The following NTM variants were observed in gnomAD, a reference collection of about 807,000 sequenced individuals.
NTM encodes IgLON family member 2.
NTM carries 13 observed loss-of-function variants against 42.1 expected under a neutral mutation model. The observed-to-expected ratio is 0.31, with a 90% CI of 0.20 to 0.49. The LOEUF is 0.49. Ranked by LOEUF, NTM falls within the 20% of genes least tolerant of loss-of-function variation. NTM has a pLI of 0.99. For synonymous variants in NTM, 187 were observed against 179.2 expected, an observed-to-expected ratio of 1.04 and a Z score of -0.35; for missense variants, 373 against 452.8, an observed-to-expected ratio of 0.82 and a Z score of 1.60.
At chr11:132,211,823 T>C (rs1399566873) in intron 3 of NTM, 199 bp from the exon 4 acceptor site, 4 of 410,120 alleles carry the variant, frequency 9.8e-6, no homozygotes, top group African/African-American at 8.4e-5. Context: ...TCCCTGACTT[T>C]GTGTTTAAAT....
At chr11:131,459,593 C>G (rs1313850326) in intron 1 of NTM, among the ~76,000 whole-genome samples, 3 of 152,144 alleles carry the variant, frequency 2.0e-5, no homozygotes, top group African/African-American at 7.2e-5. Flanking sequence ...ATGAGTAAGT[C>G]CTATTAACCT....
At chr11:132,070,800 ACC>A (rs1203786102) in intron 2 of NTM, among the ~76,000 whole-genome samples, 4 of 143,628 alleles carry the variant, frequency 2.8e-5, no homozygotes, top group East Asian at 2.1e-4. Context: ...CGTCACACTG[ACC>A]GTCACAGGTT....
chr11:131,663,435 T>G (rs1232946681), intron 1 of NTM: 1 of 152,434 alleles, frequency 6.6e-6, no homozygotes, highest in African/African-American at 2.4e-5. Context: ...GGTCCAGCAT[T>G]GATCTCTCTC....
At chr11:131,839,580 A>G (rs2043963641) in intron 1 of NTM, among the ~76,000 whole-genome samples, 1 of 152,206 alleles carries the variant, frequency 6.6e-6, no homozygotes, top group Non-Finnish European at 1.5e-5. Context: ...AGGAAGCAAG[A>G]TAACAGGACA....
intron 2 of NTM, among the ~76,000 whole-genome samples, chr11:131,988,144 G>A (rs1166664182): frequency 1.3e-5 from 2 of 152,210 alleles, no homozygotes; most frequent in Non-Finnish European, 2.9e-5. Context: ...AAGCAAGCTT[G>A]CTAGGAGCTC....
intron 2 of NTM, among the ~76,000 whole-genome samples, chr11:131,931,257 G>A (rs2058567452): frequency 6.6e-6 from 1 of 151,816 alleles, no homozygotes; most frequent in Non-Finnish European, 1.5e-5. Flanking sequence ...GACCAGCCTG[G>A]GCAAAACCCT....
intron 1 of NTM, among the ~76,000 whole-genome samples, chr11:131,687,390 G>A (rs1330548692): frequency 1.3e-5 from 2 of 152,160 alleles, no homozygotes; most frequent in Non-Finnish European, 2.9e-5. Context: ...ATCAGTGCTG[G>A]GTGACTCTAA....
At chr11:131,990,266 C>T (rs1161827091) in intron 2 of NTM, among the ~76,000 whole-genome samples, 1 of 152,086 alleles carries the variant, frequency 6.6e-6, no homozygotes, top group Non-Finnish European at 1.5e-5. Flanking sequence ...ATCCAGTACT[C>T]TTCATAATGT....
chr11:131,393,109 G>A (rs113233743), intron 1 of NTM, among the ~76,000 whole-genome samples: 37 of 152,260 alleles, frequency 2.4e-4, no homozygotes, highest in African/African-American at 8.4e-4. Flanking sequence ...GGCTCTCTCT[G>A]TCTGGAACGC....
chr11:131,861,063 C>A (rs2046583124), intron 1 of NTM, among the ~76,000 whole-genome samples: 2 of 152,094 alleles, frequency 1.3e-5, no homozygotes, highest in Non-Finnish European at 1.5e-5. Context: ...CTACCCCTGG[C>A]TTTCTGGCTT....
At chr11:131,718,967 C>T (rs1322713540) in intron 1 of NTM, among the ~76,000 whole-genome samples, 1 of 152,090 alleles carries the variant, frequency 6.6e-6, no homozygotes, top group Non-Finnish European at 1.5e-5. Flanking sequence ...GATTGGGTAT[C>T]CCTTTGTCCA....
At chr11:132,097,680 G>A (rs142113660) in intron 2 of NTM, among the ~76,000 whole-genome samples, 37 of 152,376 alleles carry the variant, frequency 2.4e-4, no homozygotes, top group African/African-American at 8.9e-4. Context: ...ATTTGAGAAT[G>A]TCTTGAACAT....
At position 131,878,594 on chromosome 11, in the gene NTM, AATATATATATATATAT is replaced by A. The variant is rs201069325; in HGVS notation, c.83-32938_83-32923del. 8.8e-3 allele frequency among the ~76,000 whole-genome samples: 168 copies of A among 19,188 alleles called. 7 individuals are homozygous for A. Among genetic ancestry groups the A allele is most frequent in the African/African-American group, 0.024 (140 of 5,812 alleles). The allele number at this position is 19,188 out of a possible 152,430, so 12.6% of individuals were successfully genotyped here. A position where few individuals can be genotyped will look rare whatever the true frequency, so the allele number is the denominator to read the frequency against. ...CAAAAAAAAAAAAAAAAAAAAAAAAAATATATATATATATATATATATATATATATATATATATATA... is the reference window on the plus strand; with the variant it reads ...CAAAAAAAAAAAAAAAAAAAAAAAAAATATATATATATATATATATATATA... On this transcript the variant is annotated intron_variant, in intron 1 of 8. Coordinates refer to ENST00000683400, the MANE Select transcript of NTM (RefSeq NM_001352005.2).
At chr11:132,279,121 C>A (rs2093862829) in intron 4 of NTM, among the ~76,000 whole-genome samples, 1 of 152,168 alleles carries the variant, frequency 6.6e-6, no homozygotes, top group Admixed American at 6.5e-5. Context: ...TCTGCTGGCC[C>A]CAAACAGAGA....
intron 2 of NTM, among the ~76,000 whole-genome samples, chr11:132,090,796 C>T (rs1481996679): frequency 6.6e-6 from 1 of 152,148 alleles, no homozygotes; most frequent in African/African-American, 2.4e-5. Context: ...TCACATTCTC[C>T]TGGAAAAACT....
intron 1 of NTM, among the ~76,000 whole-genome samples, chr11:131,696,268 C>T (rs914162397): frequency 1.3e-5 from 2 of 152,080 alleles, no homozygotes; most frequent in Non-Finnish European, 2.9e-5. Context: ...CCGGGGAGGC[C>T]AGCAGGAAGG....
intron 1 of NTM, among the ~76,000 whole-genome samples, chr11:131,487,467 A>G (rs1591808017): frequency 6.6e-6 from 1 of 152,110 alleles, no homozygotes; most frequent in Non-Finnish European, 1.5e-5. Flanking sequence ...TAAATTATAA[A>G]CCCCCAATTG....
chr11:132,271,444 T>C (rs1337576301), intron 4 of NTM, among the ~76,000 whole-genome samples: 1 of 152,230 alleles, frequency 6.6e-6, no homozygotes. Context: ...GTAGGTTAAC[T>C]ACATTTCACC....
intron 2 of NTM, among the ~76,000 whole-genome samples, chr11:131,917,396 A>G (rs2056561692): frequency 6.6e-6 from 1 of 152,218 alleles, no homozygotes; most frequent in Non-Finnish European, 1.5e-5. Flanking sequence ...TTACAAATAC[A>G]TAGAAGTCAT....
Sources: allele counts gnomAD v4.1 joint callset (sites outside exome capture counted in the v4.1 genomes callset), GRCh38; gene constraint gnomAD v4.1.1; transcripts MANE v1.5; gene names NCBI Gene and HGNC (gene_info 2026-07-23, HGNC 2026-07-21).